C1orf146: variants seen among roughly 807,000 people sequenced by gnomAD.
C1orf146 encodes the protein chromosome 1 open reading frame 146, also known as protein SPO16 homolog.
Under a neutral mutation model 23.0 loss-of-function variants are expected in C1orf146, and 22 were observed. The ratio of observed to expected loss-of-function variants is 0.96; its 90% CI spans 0.68 to 1.36. The LOEUF (loss-of-function observed/expected upper bound fraction) is 1.36, where lower values mean the gene tolerates loss of function less well. Among genes scored for constraint, C1orf146 ranks in the 40% most tolerant of loss-of-function variants. The probability of loss-of-function intolerance (pLI) is 0.00; values close to 1 mark genes in which losing one functional copy is unlikely to be tolerated. For missense variants in C1orf146, 199 were observed against 206.8 expected, an observed-to-expected ratio of 0.96 and a Z score of 0.23; for synonymous variants, 59 against 65.3, an observed-to-expected ratio of 0.90 and a Z score of 0.47.
chr1:92,225,929 T>C (rs1250355868), intron 1 of C1orf146, among the ~76,000 whole-genome samples: 1 of 152,222 alleles, frequency 6.6e-6, no homozygotes, highest in Non-Finnish European at 1.5e-5. Flanking sequence ...CAACATATAG[T>C]TGGATTTTGG....
intron 2 of C1orf146, among the ~76,000 whole-genome samples, chr1:92,232,576 A>G (rs138636563): frequency 1.3e-5 from 2 of 152,120 alleles, no homozygotes; most frequent in Admixed American, 6.6e-5. Flanking sequence ...ACATACGTGT[A>G]CATGTGTCTT....
In C1orf146 at chr1:92,244,838, T is replaced by G. The variant is rs1306026824; in HGVS notation, c.389T>G (p.Leu130Arg). 6.2e-7 allele frequency: 1 copy of G among 1,602,478 alleles called. No individual in the cohort carries two copies. The highest frequency in any genetic ancestry group is 2.2e-5 in the East Asian group (1 of 44,760). Residue 130 changes from leucine (L) to arginine (R), a missense_variant, in exon 5 of 6, where the codon CTT (leucine) becomes CGT (arginine). Coordinates refer to ENST00000370375, the MANE Select transcript of C1orf146 (RefSeq NM_001012425.2). ...CACAACACAGTAAATGCTATTAATC[T>G]TATGTGCACTATAGCAAAGGTGAGT... is the stretch of plus-strand genomic sequence containing the variant. ...PVHNTVNAINLMCTIAKTTSK... is the reference protein window; with the variant it reads ...PVHNTVNAINRMCTIAKTTSK...
At chr1:92,236,839 C>T (rs1259313780) in intron 2 of C1orf146, among the ~76,000 whole-genome samples, 1 of 152,190 alleles carries the variant, frequency 6.6e-6, no homozygotes, top group African/African-American at 2.4e-5. Flanking sequence ...AACTTCCCTT[C>T]TCGCTTCATT....
intron 1 of C1orf146, among the ~76,000 whole-genome samples, chr1:92,222,763 T>A (rs1409139534): frequency 6.6e-6 from 1 of 151,728 alleles, no homozygotes; most frequent in African/African-American, 2.4e-5. Flanking sequence ...ATTTTTTGTA[T>A]TTTTAGTAGA....
At chr1:92,225,081 G>A (rs1270396575) in intron 1 of C1orf146, among the ~76,000 whole-genome samples, 2 of 149,010 alleles carry the variant, frequency 1.3e-5, no homozygotes, top group Non-Finnish European at 3.0e-5. Context: ...GTATTAATTT[G>A]ACATCATTCT....
At chr1:92,242,696 GATATA>G (rs1399222296) in intron 3 of C1orf146, among the ~76,000 whole-genome samples, 3 of 152,040 alleles carry the variant, frequency 2.0e-5, no homozygotes, top group Admixed American at 1.3e-4. Flanking sequence ...GAGTTTGCTG[GATATA>G]ATATAAATAT....
At position 92,244,250 on chromosome 1, in the gene C1orf146, G is replaced by A. The variant is rs564970621; in HGVS notation, c.194G>A (p.Cys65Tyr). The A allele has an allele frequency of 5.1e-5, 82 of 1,600,622 alleles. 1 individual carries two copies. The Middle Eastern group carries it at 3.7e-3, about 72-fold the overall frequency. The change falls in exon 4 of 6, where the codon TGT becomes TAT. Residue 65 changes from cysteine (C) to tyrosine (Y), a missense_variant. By Grantham distance (194) the Cys-to-Tyr change is radical. Coordinates refer to ENST00000370375, the MANE Select transcript of C1orf146 (RefSeq NM_001012425.2). ...TTTTTATTAATGGATACTAAGGAATGTCTTCTGTCAACTGAAGAAATATTT... is the reference window on the plus strand; with the variant it reads ...TTTTTATTAATGGATACTAAGGAATATCTTCTGTCAACTGAAGAAATATTT... ...VAFLLMDTKE[C>Y]LLSTEEIFLA...
chr1:92,244,068 A>C, intron 3 of C1orf146, 149 bp from the exon 4 acceptor site: 2 of 552,828 alleles, frequency 3.6e-6, no homozygotes, highest in Non-Finnish European at 3.2e-6. Context: ...TTTGTTGTGT[A>C]GGAATTCCAT....
At chr1:92,237,508 C>G (rs921961178) in intron 2 of C1orf146, among the ~76,000 whole-genome samples, 1 of 152,314 alleles carries the variant, frequency 6.6e-6, no homozygotes, top group Non-Finnish European at 1.5e-5. Flanking sequence ...AGGTGTCAGT[C>G]TGCCCCTACT....
At position 92,245,485 on chromosome 1, in the gene C1orf146, T is replaced by C. The variant is rs35456373; in HGVS notation, c.409-55T>C. ...AAGTCAGGTATTTTTAAATGTGACC[T>C]TGTGAAAATACCTTATTTCTGTAAA... On this transcript the variant is annotated intron_variant, in intron 5 of 5. Transcript: ENST00000370375. The C allele has an allele frequency of 3.6e-6, 5 of 1,379,574 alleles. No homozygotes were observed. The African/African-American group carries it at 4.4e-5, about 12-fold the overall frequency. The allele number at this position is 1,379,574 out of a possible 1,614,324, so 85.5% of individuals were successfully genotyped here. A position where few individuals can be genotyped will look rare whatever the true frequency, so the allele number is the denominator to read the frequency against.
intron 3 of C1orf146, among the ~76,000 whole-genome samples, chr1:92,244,011 C>G (rs181779970): frequency 3.5e-4 from 52 of 150,570 alleles, no homozygotes; most frequent in African/African-American, 8.8e-4. Context: ...TTATTTAGCA[C>G]AAGTCATTCT....
chr1:92,229,067 G>T lies in C1orf146; in HGVS notation c.-39-2315G>T, dbSNP rs552348479. 8.9e-5 allele frequency: 44 copies of T among 494,168 alleles called. 1 individual carries two copies. In the Admixed American group the frequency reaches 9.3e-4, roughly 10 times the overall value. 30.6% of individuals were successfully genotyped at this position (494,168 alleles called of 1,614,324 possible). A position where few individuals can be genotyped will look rare whatever the true frequency, so the allele number is the denominator to read the frequency against. ...GGCCCAACTTGTCATACTCCTGCTT[G>T]CTAGTGCACATCTGCTGGAAGGTGG... On this transcript the variant is annotated intron_variant, in intron 1 of 5. Coordinates refer to ENST00000370375, the MANE Select transcript of C1orf146 (RefSeq NM_001012425.2).
intron 1 of C1orf146, among the ~76,000 whole-genome samples, chr1:92,225,056 A>G (rs1316106319): frequency 4.6e-5 from 7 of 151,048 alleles, no homozygotes; most frequent in Non-Finnish European, 1.5e-5. Flanking sequence ...CTATTTTAAG[A>G]TAAGATGGAA....
chr1:92,221,227 T>C (rs1229582825), intron 1 of C1orf146, among the ~76,000 whole-genome samples: 5 of 152,090 alleles, frequency 3.3e-5, no homozygotes, highest in Non-Finnish European at 5.9e-5. Flanking sequence ...AATTAGTGCA[T>C]GAACAGAAAA....
chr1:92,233,163 T>C (rs1652177074), intron 2 of C1orf146, among the ~76,000 whole-genome samples: 1 of 152,250 alleles, frequency 6.6e-6, no homozygotes. Flanking sequence ...CTTTTGGTAT[T>C]GTAGACGTGA....
intron 2 of C1orf146, among the ~76,000 whole-genome samples, chr1:92,236,035 G>A (rs1473619150): frequency 1.3e-5 from 2 of 152,174 alleles, no homozygotes; most frequent in African/African-American, 4.8e-5. Context: ...CCTGAATACA[G>A]CACACCGATG....
chr1:92,220,999 C>T (rs1651805191), intron 1 of C1orf146, among the ~76,000 whole-genome samples: 1 of 152,176 alleles, frequency 6.6e-6, no homozygotes, highest in Non-Finnish European at 1.5e-5. Flanking sequence ...AGCTAATAAG[C>T]TAGCCTGTTA....
chr1:92,233,306 C>G (rs1289134750), intron 2 of C1orf146, among the ~76,000 whole-genome samples: 1 of 151,092 alleles, frequency 6.6e-6, no homozygotes, highest in Admixed American at 6.6e-5. Flanking sequence ...AGGAAGGGAT[C>G]CAGTTTCAGC....
intron 2 of C1orf146, among the ~76,000 whole-genome samples, chr1:92,236,773 C>T (rs186963284): frequency 6.6e-6 from 1 of 152,344 alleles, no homozygotes; most frequent in East Asian, 1.9e-4. Context: ...GGTGTTTTCA[C>T]ATAGTCCCAT....
Sources: gnomAD v4.1 joint callset for allele counts (sites outside exome capture counted in the v4.1 genomes callset) on GRCh38, gnomAD v4.1.1 for gene constraint, MANE v1.5 for transcripts, NCBI Gene and HGNC (gene_info 2026-07-23, HGNC 2026-07-21) for gene names.